Variants in ATPAF2 observed in about 807,000 individuals in gnomAD.
The protein encoded by ATPAF2 is ATP12 homolog.
A neutral mutation model predicts 36.6 loss-of-function variants in ATPAF2; 30 were observed. The ratio of observed to expected loss-of-function variants is 0.82; its 90% confidence interval spans 0.61 to 1.11. The LOEUF (loss-of-function observed/expected upper bound fraction) is 1.11. Ranked by LOEUF, ATPAF2 falls within the 50% of genes most tolerant of loss-of-function variation. ATPAF2 has a pLI of 0.00. For synonymous variants in ATPAF2, 140 were observed against 152.6 expected (o/e 0.92, Z 0.61); for missense variants, 321 against 372.3 (o/e 0.86, Z 1.13).
downstream of ATPAF2, chr17:18,015,970 AG>A: frequency 7.1e-7 from 1 of 1,399,836 alleles, no homozygotes. Context: ...CTGCACAGCC[AG>A]GGGACTTCCA....
downstream of ATPAF2, chr17:18,016,409 C>A: frequency 1.3e-6 from 1 of 771,548 alleles, no homozygotes; most frequent in Non-Finnish European, 2.1e-6. Context: ...CTCAAATATA[C>A]AGAGATCAGC....
intron 7 of ATPAF2, chr17:18,020,626 C>A: frequency 6.1e-6 from 1 of 163,248 alleles, no homozygotes; most frequent in Non-Finnish European, 1.3e-5. Flanking sequence ...GGATACAATG[C>A]AGGAACACAG....
At chr17:18,015,606 G>GTC, downstream of ATPAF2, 2 of 156,620 alleles carry the variant, frequency 1.3e-5, no homozygotes, top group Admixed American at 6.2e-5. Context: ...GACAACTGTG[G>GTC]GGTGAACACC....
At position 18,039,103 on chromosome 17, in the gene ATPAF2, G is replaced by T. The variant is rs113286105; in HGVS notation, c.-90C>A. On this transcript the variant is annotated 5_prime_UTR_variant, in exon 1 of 8. Transcript: ENST00000474627. The surrounding 1 kb of genome is among the most constrained non-coding windows in gnomAD (Gnocchi z 5.3). Reference sequence around the variant, plus strand: ...ATCCCCAAAGCCGCACGGTCGGGCTGTACGGAAACCTCTCAACGCCTCCTC... The same window carrying T: ...ATCCCCAAAGCCGCACGGTCGGGCTTTACGGAAACCTCTCAACGCCTCCTC... The T allele has an allele frequency of 6.4e-4, 984 of 1,527,122 alleles. No individual in the cohort carries two copies. Among genetic ancestry groups the T allele is most frequent in the Non-Finnish European group, 7.8e-4 (885 of 1,132,694 alleles). The allele number at this position is 1,527,122 out of a possible 1,614,324, so 94.6% of individuals were successfully genotyped here.
rs1307154642 is a variant in ATPAF2 at position 18,028,168 on chromosome 17, A to G, written c.324+64T>C. 2.5e-6 allele frequency: 4 copies of G among 1,608,380 alleles called. No homozygotes were observed. The East Asian group carries it at 6.7e-5, about 27-fold the overall frequency. Reference sequence around the variant, plus strand: ...CCAGGGCCTTGTCGGAATTTGGTAAAGGGTCTACCCTACGAAGCCCTGGGT... The same window carrying G: ...CCAGGGCCTTGTCGGAATTTGGTAAGGGGTCTACCCTACGAAGCCCTGGGT... On this transcript the variant is annotated intron_variant, in intron 3 of 7. Coordinates refer to ENST00000474627, the MANE Select transcript of ATPAF2 (RefSeq NM_145691.4).
intron 3 of ATPAF2, 34 bp from the exon 4 acceptor site, chr17:18,026,450 C>T: frequency 6.4e-7 from 1 of 1,566,842 alleles, no homozygotes; most frequent in Non-Finnish European, 8.8e-7. Flanking sequence ...CTGTCACTGC[C>T]TGCGGGGCTC....
At chr17:18,026,454 G>A (rs774710445) in intron 3 of ATPAF2, 38 bp from the exon 4 acceptor site, 12 of 1,545,694 alleles carry the variant, frequency 7.8e-6, no homozygotes, top group East Asian at 4.5e-5. Context: ...CACTGCCTGC[G>A]GGGCTCAGGC....
intron 1 of ATPAF2, among the ~76,000 whole-genome samples, chr17:18,030,524 A>AC (rs1201328567): frequency 6.7e-6 from 1 of 149,940 alleles, no homozygotes; most frequent in Non-Finnish European, 1.5e-5. Context: ...AAAAAAAAAA[A>AC]AAAAAAAAAA....
chr17:18,033,530 A>G (rs2044665709), intron 1 of ATPAF2, among the ~76,000 whole-genome samples: 1 of 152,010 alleles, frequency 6.6e-6, no homozygotes, highest in Admixed American at 6.6e-5. Context: ...GTCTTTAAAG[A>G]TGAAAAAAAT....
At chr17:18,016,874 A>T (rs980208589), downstream of ATPAF2, 9 of 44,002 alleles carry the variant, frequency 2.0e-4, no homozygotes, top group African/African-American at 6.5e-4. Flanking sequence ...CCCTACTCAT[A>T]AAAAAAAAAA....
Position 18,026,380 on chromosome 17 carries a change from G to C in ATPAF2, c.361C>G (p.Gln121Glu), listed in dbSNP as rs1262465609. The change falls in exon 4 of 8, where the codon CAG becomes GAG. Residue 121 changes from glutamine to glutamate, a missense_variant. Gln to Glu is a conservative substitution (Grantham distance 29, BLOSUM62 2). This residue lies in a region of ATPAF2 where 199 missense variants were observed against 220.6 expected (regional missense o/e 0.90). Coordinates refer to ENST00000474627, the MANE Select transcript of ATPAF2 (RefSeq NM_145691.4). ...LCNTSLDNPT[Q>E]RNKDQLIRAA... ...CGGATCAGCTGATCCTTGTTTCTCT[G>C]GGTTGGGTTGTCCAATGATGTGTTG... 1 of 1,614,196 alleles carries C rather than the reference G, an allele frequency of 6.2e-7. No homozygotes were observed. Among genetic ancestry groups the C allele is most frequent in the Non-Finnish European group, 8.5e-7 (1 of 1,180,036 alleles).
intron 1 of ATPAF2, among the ~76,000 whole-genome samples, chr17:18,031,227 A>T (rs1267785512): frequency 1.5e-5 from 2 of 135,594 alleles, no homozygotes; most frequent in African/African-American, 5.5e-5. Context: ...CGCCCACCTC[A>T]GCCTCCCAAA....
chr17:18,026,965 A>C (rs1305266676), intron 3 of ATPAF2, among the ~76,000 whole-genome samples: 3 of 152,158 alleles, frequency 2.0e-5, no homozygotes. Context: ...TCACGCCTGT[A>C]ATCTCAGCAC....
chr17:18,021,854 G>A lies in ATPAF2; in HGVS notation c.507C>T (p.Tyr169=), dbSNP rs757357549. 2.1e-5 allele frequency: 34 copies of A among 1,613,506 alleles called. No individual in the cohort carries two copies. In the Admixed American group the frequency reaches 3.2e-4, roughly 15 times the overall value. Reference sequence around the variant, plus strand: ...TGGTGGAGGAGCTGATCTCCACGCCGTATCTGAAAGGAAAAGGGCTTCGGC... The same window carrying A: ...TGGTGGAGGAGCTGATCTCCACGCCATATCTGAAAGGAAAAGGGCTTCGGC... ...DPIIEWAEKR[Y]GVEISSSTSI... is the part of the protein sequence containing the mutation. The change falls in exon 6 of 8, where the codon TAC becomes TAT. Residue 169 remains tyrosine, a synonymous_variant. Transcript: ENST00000474627.
Position 18,023,061 on chromosome 17 carries a change from G to A in ATPAF2, c.504-1204C>T, listed in dbSNP as rs577908259. Among the ~76,000 whole-genome samples, 10 of 151,400 alleles carry A rather than the reference G, an allele frequency of 6.6e-5. No homozygotes were observed. The East Asian group carries it at 9.8e-4, about 15-fold the overall frequency. ...GAAAATGGCATAAAACCTGGGAGGC[G>A]GAGCTTGCAGTGAGCTGAGATCACG... On this transcript the variant is annotated intron_variant, in intron 5 of 7. Coordinates refer to ENST00000474627, the MANE Select transcript of ATPAF2 (RefSeq NM_145691.4).
chr17:18,016,224 G>A (rs1387540830), downstream of ATPAF2: 1 of 1,605,618 alleles, frequency 6.2e-7, no homozygotes, highest in Non-Finnish European at 8.5e-7. Context: ...ATCCTAGCAG[G>A]CTGGATGAAC....
At chr17:18,026,287 C>T (rs1205813133) in intron 4 of ATPAF2, 32 bp downstream of exon 4, 11 of 1,580,784 alleles carry the variant, frequency 7.0e-6, no homozygotes, top group Non-Finnish European at 9.6e-6. Flanking sequence ...TAGCCTCAAT[C>T]CAAGGGGAAT....
At chr17:18,033,161 G>C (rs781157635) in intron 1 of ATPAF2, among the ~76,000 whole-genome samples, 1 of 151,890 alleles carries the variant, frequency 6.6e-6, no homozygotes, top group Non-Finnish European at 1.5e-5. Context: ...TTAAAGCCAG[G>C]AGCTCAAGAG....
At chr17:18,036,434 G>A (rs1379239475) in intron 1 of ATPAF2, among the ~76,000 whole-genome samples, 3 of 152,080 alleles carry the variant, frequency 2.0e-5, no homozygotes, top group African/African-American at 7.3e-5. Flanking sequence ...AAATTAGCCA[G>A]GTGTGGTGGT....
Sources: allele counts gnomAD v4.1 joint callset (sites outside exome capture counted in the v4.1 genomes callset), GRCh38; gene constraint gnomAD v4.1.1; regional missense constraint gnomAD v4.1.1; non-coding constraint Gnocchi (gnomAD v3.1); transcripts MANE v1.5; gene names NCBI Gene and HGNC (gene_info 2026-07-23, HGNC 2026-07-21).